Variants in LRRC53 observed in about 807,000 individuals in gnomAD.
The protein encoded by LRRC53 is leucine rich repeat containing 53.
LRRC53 carries 25 observed loss-of-function variants against 13.6 expected under a neutral mutation model. The observed-to-expected ratio is 1.83, with a 90% confidence interval of 1.34 to 2.56. The LOEUF (loss-of-function observed/expected upper bound fraction) is 2.56, where lower values mean the gene tolerates loss of function less well. Ranked by LOEUF, LRRC53 falls within the 30% of genes most tolerant of loss-of-function variation. The pLI is 0.00. For synonymous variants in LRRC53, 204 were observed against 109.8 expected (o/e 1.86, Z -5.37); for missense variants, 527 against 275.8 (o/e 1.91, Z -6.45).
chr1:74,473,610 G>A (rs1441397290), intron 4 of LRRC53, among the ~76,000 whole-genome samples: 5 of 151,618 alleles, frequency 3.3e-5, no homozygotes, highest in African/African-American at 9.7e-5. Context: ...TGTACTCTCA[G>A]CTCCTAAGGG....
chr1:74,498,349 A>G (rs1349016002), intron 1 of LRRC53, among the ~76,000 whole-genome samples: 2 of 152,186 alleles, frequency 1.3e-5, no homozygotes, highest in African/African-American at 2.4e-5. Context: ...GGGCTACCCC[A>G]TCTCGATTCA....
In LRRC53 at chr1:74,470,101, T is replaced by G; in HGVS notation, c.3521A>C (p.Asn1174Thr). ...SNVHNFREVQ[N>T]IQPDKDSAHK... is the part of the protein sequence containing the mutation. ...TGCACTATCTTTATCTGGTTGAATA[T>G]TTTGAACTTCTCTAAAATTATGTAC... is the stretch of plus-strand genomic sequence containing the variant. The change falls in exon 5 of 5, where the codon AAT becomes ACT. Residue 1174 changes from asparagine to threonine, a missense_variant. Coordinates refer to ENST00000294635, the MANE Select transcript of LRRC53 (RefSeq NM_001382280.1). 5.0e-6 allele frequency: 2 copies of G among 400,740 alleles called. No individual in the cohort carries two copies. Among genetic ancestry groups the G allele is most frequent in the Non-Finnish European group, 8.8e-6 (2 of 226,176 alleles). The allele number at this position is 400,740 out of a possible 1,614,324, so 24.8% of individuals were successfully genotyped here.
At chr1:74,528,629 A>T in the LRRC53 span, among the ~76,000 whole-genome samples, 1 of 152,160 alleles carries the variant, frequency 6.6e-6, no homozygotes, top group Non-Finnish European at 1.5e-5. Context: ...GAGAATGAAA[A>T]CTAGAGTCAA....
At chr1:74,485,405 CA>C (rs1327038917) in intron 1 of LRRC53, among the ~76,000 whole-genome samples, 1 of 152,150 alleles carries the variant, frequency 6.6e-6, no homozygotes, top group Non-Finnish European at 1.5e-5. Context: ...GGTTCAGGGG[CA>C]AACCAGAGAT....
At chr1:74,503,144 A>C (rs181694770) in intron 1 of LRRC53, among the ~76,000 whole-genome samples, 29 of 152,308 alleles carry the variant, frequency 1.9e-4, no homozygotes, top group Admixed American at 7.8e-4. Context: ...ACAATCTTTT[A>C]GCTGACATTT....
At chr1:74,485,618 A>G (rs1668718710) in intron 1 of LRRC53, among the ~76,000 whole-genome samples, 2 of 152,186 alleles carry the variant, frequency 1.3e-5, no homozygotes, top group African/African-American at 4.8e-5. Flanking sequence ...ATTATGTTTC[A>G]TCATATGACT....
At chr1:74,495,312 C>T (rs1234329897) in intron 1 of LRRC53, among the ~76,000 whole-genome samples, 4 of 152,098 alleles carry the variant, frequency 2.6e-5, no homozygotes, top group African/African-American at 4.8e-5. Context: ...ATCGGTAAAG[C>T]GTTTAGCTAA....
At position 74,475,496 on chromosome 1, in the gene LRRC53, G is replaced by T. The variant is rs45535932; in HGVS notation, c.1219C>A (p.Arg407Ser). The T allele has an allele frequency of 1.4e-6, 1 of 716,782 alleles. No individual in the cohort carries two copies. The allele number at this position is 716,782 out of a possible 1,614,324, so 44.4% of individuals were successfully genotyped here. Residue 407 changes from arginine to serine, a missense_variant, in exon 4 of 5, where the codon CGT becomes AGT. By Grantham distance (110) the Arg-to-Ser change is moderately radical. Transcript: ENST00000294635. The part of the protein sequence containing the change: ...GSFRNLKKKD[R>S]GVGSTLFCQD... Reference sequence around the variant, plus strand: ...CAAAATAAAGTGCTGCCTACCCCACGGTCTTTCTTTTTCAGGTTTCTAAAT... The same window carrying T: ...CAAAATAAAGTGCTGCCTACCCCACTGTCTTTCTTTTTCAGGTTTCTAAAT...
the LRRC53 span, among the ~76,000 whole-genome samples, chr1:74,522,702 C>T: frequency 2.0e-5 from 3 of 151,942 alleles, no homozygotes; most frequent in East Asian, 5.8e-4. Flanking sequence ...GAAGCAATCC[C>T]AGAATAACAT....
At chr1:74,528,371 T>C in the LRRC53 span, among the ~76,000 whole-genome samples, 1 of 151,964 alleles carries the variant, frequency 6.6e-6, no homozygotes, top group Admixed American at 6.6e-5. Context: ...CGGACCCACT[T>C]GGGGCAGGCA....
chr1:74,533,833 G>A, the LRRC53 span, among the ~76,000 whole-genome samples: 8 of 152,268 alleles, frequency 5.3e-5, no homozygotes, highest in South Asian at 2.1e-4. Context: ...AACACCGCAT[G>A]TTCTCACTCA....
chr1:74,471,605 TAGTC>T lies in LRRC53; in HGVS notation c.2013_2016del (p.Thr672SerfsTer26), dbSNP rs1667935295. ...TTGCTAAATTTTTTAACATCCAACT[TAGTC>T]AGTTGGTTACTTTGATTTTTCTGTC... is the stretch of plus-strand genomic sequence containing the variant. On this transcript the variant is annotated frameshift_variant, in exon 5 of 5. Transcript: ENST00000294635. LOFTEE classifies it low-confidence loss of function (END_TRUNC). 2 of 400,676 alleles carry T rather than the reference TAGTC, an allele frequency of 5.0e-6. No individual in the cohort carries two copies. Among genetic ancestry groups the T allele is most frequent in the Non-Finnish European group, 8.8e-6 (2 of 226,276 alleles). 24.8% of individuals were successfully genotyped at this position (400,676 alleles called of 1,614,324 possible). A position where few individuals can be genotyped will look rare whatever the true frequency, so the allele number is the denominator to read the frequency against.
chr1:74,499,766 C>T (rs945927337), intron 1 of LRRC53, among the ~76,000 whole-genome samples: 6 of 151,996 alleles, frequency 3.9e-5, no homozygotes, highest in South Asian at 2.1e-4. Flanking sequence ...ATATTGAGTT[C>T]CCCTTACCAT....
chr1:74,479,092 T>G (rs1381660060), intron 3 of LRRC53, among the ~76,000 whole-genome samples: 3 of 152,170 alleles, frequency 2.0e-5, no homozygotes, highest in Non-Finnish European at 4.4e-5. Context: ...AATAATGATT[T>G]ATAGCACATA....
chr1:74,499,724 AG>A, intron 1 of LRRC53, among the ~76,000 whole-genome samples: 1 of 152,292 alleles, frequency 6.6e-6, no homozygotes, highest in Non-Finnish European at 1.5e-5. Flanking sequence ...TTAAGCCTAT[AG>A]GTCAATATGA....
In LRRC53 at chr1:74,475,574, C is replaced by T. The variant is rs1271863770; in HGVS notation, c.1141G>A (p.Glu381Lys). 2.8e-6 allele frequency: 2 copies of T among 717,370 alleles called. No individual in the cohort carries two copies. Among genetic ancestry groups the T allele is most frequent in the Non-Finnish European group, 5.2e-6 (2 of 384,934 alleles). The allele number at this position is 717,370 out of a possible 1,614,324, so 44.4% of individuals were successfully genotyped here. A position where few individuals can be genotyped will look rare whatever the true frequency, so the allele number is the denominator to read the frequency against. Reference sequence around the variant, plus strand: ...GCCGATGTTGCTTGATGGCTATTTTCCTGTAAAAGTGGCATTTCTTTTCTG... The same window carrying T: ...GCCGATGTTGCTTGATGGCTATTTTTCTGTAAAAGTGGCATTTCTTTTCTG... Reference protein sequence around the residue: ...GSRKEMPLLQENSHQATSASE... With the variant: ...GSRKEMPLLQKNSHQATSASE... The change falls in exon 4 of 5, where the codon GAA becomes AAA. Residue 381 changes from glutamate (E) to lysine (K), a missense_variant. Coordinates refer to ENST00000294635, the MANE Select transcript of LRRC53 (RefSeq NM_001382280.1).
At chr1:74,472,974 C>T (rs921389137) in intron 4 of LRRC53, among the ~76,000 whole-genome samples, 1 of 152,096 alleles carries the variant, frequency 6.6e-6, no homozygotes, top group African/African-American at 2.4e-5. Flanking sequence ...AGAAAGGAAG[C>T]TTCCTTTGAC....
At chr1:74,495,873 G>A (rs1166891715) in intron 1 of LRRC53, among the ~76,000 whole-genome samples, 2 of 152,162 alleles carry the variant, frequency 1.3e-5, no homozygotes, top group African/African-American at 4.8e-5. Flanking sequence ...TCCCAAGCCT[G>A]CCTTTTCAGC....
intron 1 of LRRC53, among the ~76,000 whole-genome samples, chr1:74,484,797 G>A (rs1668669229): frequency 6.6e-6 from 1 of 152,108 alleles, no homozygotes; most frequent in Non-Finnish European, 1.5e-5. Context: ...AAATAACATG[G>A]GAAGTAATTG....
Sources: allele counts gnomAD v4.1 joint callset (sites outside exome capture counted in the v4.1 genomes callset), GRCh38; gene constraint gnomAD v4.1.1; transcripts MANE v1.5; gene names NCBI Gene and HGNC (gene_info 2026-07-23, HGNC 2026-07-21).